NCAM1: variants seen among roughly 807,000 people sequenced by gnomAD.
NCAM1 encodes neural cell adhesion molecule 1, also known as antigen recognized by monoclonal antibody 5.1H11.
In NCAM1, 14 loss-of-function variants were observed where a neutral mutation model predicts 109.8. The ratio of observed to expected loss-of-function variants is 0.13; its 90% CI spans 0.08 to 0.20. The LOEUF is 0.20. Ranked by LOEUF, NCAM1 falls within the 10% of genes least tolerant of loss-of-function variation. The pLI is 1.00. For synonymous variants in NCAM1, 418 were observed against 442.9 expected (o/e 0.94, Z 0.70); for missense variants, 774 against 1,109.9 (o/e 0.70, Z 4.30).
intron 1 of NCAM1, among the ~76,000 whole-genome samples, chr11:113,027,442 A>C (rs1222320416): frequency 6.6e-6 from 1 of 152,242 alleles, no homozygotes; most frequent in East Asian, 1.9e-4. Flanking sequence ...GTCTCAGTAC[A>C]GGTATGGAAG....
chr11:113,030,277 A>G (rs1369188517), intron 1 of NCAM1, among the ~76,000 whole-genome samples: 1 of 152,236 alleles, frequency 6.6e-6, no homozygotes, highest in Non-Finnish European at 1.5e-5. Flanking sequence ...GGTTTCAGCC[A>G]TCCTCCTGGC....
intron 1 of NCAM1, among the ~76,000 whole-genome samples, chr11:113,020,684 G>A (rs1201352029): frequency 1.3e-5 from 2 of 152,074 alleles, no homozygotes; most frequent in Admixed American, 6.5e-5. Context: ...AATTTGAAAA[G>A]CAATTTTATG....
intron 1 of NCAM1, among the ~76,000 whole-genome samples, chr11:113,055,206 T>C (rs929093355): frequency 2.0e-5 from 3 of 152,226 alleles, no homozygotes; most frequent in Non-Finnish European, 2.9e-5. Context: ...GGTTGACATT[T>C]TCCTTAGTGT....
chr11:113,199,902 T>C (rs1943996296), intron 1 of NCAM1, among the ~76,000 whole-genome samples: 1 of 150,500 alleles, frequency 6.6e-6, no homozygotes, highest in African/African-American at 2.4e-5. Context: ...GGAATTCCTT[T>C]GAAAGCCTTG....
intron 1 of NCAM1, among the ~76,000 whole-genome samples, chr11:113,090,286 C>T (rs1555089114): frequency 6.6e-6 from 1 of 152,166 alleles, no homozygotes; most frequent in Non-Finnish European, 1.5e-5. Context: ...TGAATTATTA[C>T]TTAGAGTATT....
chr11:113,215,525 G>T (rs1459502936), intron 8 of NCAM1, among the ~76,000 whole-genome samples: 1 of 152,154 alleles, frequency 6.6e-6, no homozygotes, highest in Non-Finnish European at 1.5e-5. Flanking sequence ...CTCAAATAAA[G>T]CCCGAAAGGA....
intron 1 of NCAM1, among the ~76,000 whole-genome samples, chr11:113,160,936 T>C (rs915430088): frequency 4.6e-5 from 7 of 151,968 alleles, no homozygotes; most frequent in African/African-American, 1.5e-4. Flanking sequence ...TTTTCGAGAG[T>C]TTAAATTAAA....
chr11:113,263,108 T>TA, intron 17 of NCAM1: 1 of 1,326,160 alleles, frequency 7.5e-7, no homozygotes, highest in Non-Finnish European at 9.6e-7. Context: ...CACTCACAGA[T>TA]ACTTTTGTGC....
chr11:113,075,228 G>A (rs1555085919), intron 1 of NCAM1, among the ~76,000 whole-genome samples: 3 of 151,856 alleles, frequency 2.0e-5, no homozygotes, highest in Non-Finnish European at 4.4e-5. Context: ...AACCACACTC[G>A]GCAAATTTTT....
At chr11:113,147,024 A>T (rs1942044092) in intron 1 of NCAM1, among the ~76,000 whole-genome samples, 1 of 151,362 alleles carries the variant, frequency 6.6e-6, no homozygotes, top group Non-Finnish European at 1.5e-5. Context: ...CTGAAGAATG[A>T]TCTCAATTGA....
chr11:113,242,758 C>G, intron 14 of NCAM1: 14 of 1,531,584 alleles, frequency 9.1e-6, no homozygotes, highest in Middle Eastern at 1.7e-4. Flanking sequence ...TATCTCCATT[C>G]TCTCCTTCAC....
At chr11:113,250,324 T>C (rs1318010682) in intron 15 of NCAM1, among the ~76,000 whole-genome samples, 1 of 152,214 alleles carries the variant, frequency 6.6e-6, no homozygotes, top group Non-Finnish European at 1.5e-5. Flanking sequence ...CATCCGATTC[T>C]TTTGTTTGTC....
chr11:113,205,542 T>C lies in NCAM1; in HGVS notation c.366T>C (p.Asn122=), dbSNP rs191287596. The change falls in exon 4 of 20, where the codon AAT becomes AAC. Residue 122 remains asparagine (N), a synonymous_variant. Coordinates refer to ENST00000316851, the MANE Select transcript of NCAM1 (RefSeq NM_181351.5). ...TTCCAGAGAAGCTCATGTTCAAGAA[T>C]GCGCCAACCCCACAGGAGTTCCGGG... ...VKIFQKLMFK[N]APTPQEFREG... is the part of the protein sequence containing the mutation. 3.3e-3 allele frequency: 5,291 copies of C among 1,612,812 alleles called. 84 individuals carry two copies. The highest frequency in any genetic ancestry group is 0.026 in the South Asian group (2,358 of 90,836).
chr11:113,134,176 CT>C (rs1343420339), intron 1 of NCAM1, among the ~76,000 whole-genome samples: 1 of 152,182 alleles, frequency 6.6e-6, no homozygotes, highest in Non-Finnish European at 1.5e-5. Context: ...CACTCTTCTA[CT>C]TTCTGTTTGT....
At chr11:113,218,775 C>A (rs1241057778) in intron 8 of NCAM1, among the ~76,000 whole-genome samples, 9 of 152,148 alleles carry the variant, frequency 5.9e-5, no homozygotes, top group Non-Finnish European at 1.2e-4. Flanking sequence ...TAAGGTAGAT[C>A]AGCTGTCCAA....
chr11:113,080,683 A>C (rs1214317570), intron 1 of NCAM1, among the ~76,000 whole-genome samples: 1 of 152,246 alleles, frequency 6.6e-6, no homozygotes, highest in African/African-American at 2.4e-5. Context: ...TGATAGGAAG[A>C]AAAGGGACAT....
intron 14 of NCAM1, among the ~76,000 whole-genome samples, chr11:113,242,244 T>G (rs1259133892): frequency 2.0e-5 from 3 of 152,256 alleles, no homozygotes; most frequent in Non-Finnish European, 4.4e-5. Flanking sequence ...GAGAGTTATG[T>G]TATCTCTTGC....
chr11:113,220,422 C>G (rs186256642), intron 8 of NCAM1, among the ~76,000 whole-genome samples: 83 of 152,230 alleles, frequency 5.5e-4, no homozygotes, highest in Admixed American at 1.7e-3. Flanking sequence ...CTTCATACTT[C>G]TCATTCCTAG....
At chr11:113,122,031 A>G (rs1940984312) in intron 1 of NCAM1, among the ~76,000 whole-genome samples, 1 of 152,138 alleles carries the variant, frequency 6.6e-6, no homozygotes, top group Non-Finnish European at 1.5e-5. Context: ...AGCAAACACC[A>G]TGGAGGCAGA....
Sources: gnomAD v4.1 joint callset for allele counts (sites outside exome capture counted in the v4.1 genomes callset) on GRCh38, gnomAD v4.1.1 for gene constraint, MANE v1.5 for transcripts, NCBI Gene and HGNC (gene_info 2026-07-23, HGNC 2026-07-21) for gene names.